ADGRL2: variants seen among roughly 807,000 people sequenced by gnomAD.
ADGRL2 encodes the protein calcium-independent alpha-latrotoxin receptor 2.
A neutral mutation model predicts 157.4 loss-of-function variants in ADGRL2; 44 were observed. That is an observed-to-expected ratio of 0.28 (90% CI 0.22 to 0.36). The LOEUF is 0.36. Among genes scored for constraint, ADGRL2 ranks in the 10% least tolerant of loss-of-function variants. The pLI, the probability that ADGRL2 is intolerant of heterozygous loss-of-function variation, is 1.00. For synonymous variants in ADGRL2, 585 were observed against 624.7 expected, an observed-to-expected ratio of 0.94 and a Z score of 0.95; for missense variants, 1,510 against 1,768.9, an observed-to-expected ratio of 0.85 and a Z score of 2.63.
At chr1:81,342,455 A>T (rs1156849445) in intron 1 of ADGRL2, among the ~76,000 whole-genome samples, 1 of 152,136 alleles carries the variant, frequency 6.6e-6, no homozygotes, top group East Asian at 1.9e-4. Flanking sequence ...TGTGCCACTA[A>T]ATGATATCAA....
intron 1 of ADGRL2, among the ~76,000 whole-genome samples, chr1:81,316,778 G>A (rs761859514): frequency 8.5e-5 from 13 of 152,146 alleles, no homozygotes; most frequent in Non-Finnish European, 1.6e-4. Flanking sequence ...TGCTGTGTAT[G>A]TATGTATGTG....
chr1:81,428,917 TTTA>T (rs1169356442), intron 1 of ADGRL2, among the ~76,000 whole-genome samples: 1 of 152,130 alleles, frequency 6.6e-6, no homozygotes, highest in Non-Finnish European at 1.5e-5. Flanking sequence ...AGGCTGCTTC[TTTA>T]TTTCAAGGTA....
intron 10 of ADGRL2, among the ~76,000 whole-genome samples, chr1:81,955,049 CTTCA>C: frequency 6.6e-6 from 1 of 152,242 alleles, no homozygotes; most frequent in South Asian, 2.1e-4. Flanking sequence ...AAGATCCTGC[CTTCA>C]GTTGATTAAC....
intron 10 of ADGRL2, among the ~76,000 whole-genome samples, chr1:81,955,094 G>A (rs1281348323): frequency 3.3e-5 from 5 of 152,128 alleles, no homozygotes. Flanking sequence ...GTTATTTTGT[G>A]TAGCAATAAA....
At chr1:81,520,498 C>T (rs1176291348) in intron 2 of ADGRL2, among the ~76,000 whole-genome samples, 2 of 152,136 alleles carry the variant, frequency 1.3e-5, no homozygotes, top group Non-Finnish European at 2.9e-5. Context: ...ATAATCCCTA[C>T]ATGTAAAGGG....
intron 2 of ADGRL2, among the ~76,000 whole-genome samples, chr1:81,851,107 T>C (rs2092990223): frequency 6.6e-6 from 1 of 151,960 alleles, no homozygotes. Flanking sequence ...AGTGTATATC[T>C]TGCAGGAATT....
chr1:81,402,874 C>T (rs575281814), intron 1 of ADGRL2, among the ~76,000 whole-genome samples: 1 of 152,142 alleles, frequency 6.6e-6, no homozygotes, highest in Non-Finnish European at 1.5e-5. Context: ...ATTAATAAGG[C>T]AAACATCGAC....
chr1:81,893,319 T>TTTGTTTTGTTTTTTGTTTTTG (rs753014450), intron 2 of ADGRL2, among the ~76,000 whole-genome samples: 1 of 150,250 alleles, frequency 6.7e-6, no homozygotes, highest in Non-Finnish European at 1.5e-5. Flanking sequence ...CAATCCTGTC[T>TTTGTTTTGTTTTTTGTTTTTG]TGTATTTTTC....
At chr1:81,348,766 A>AC (rs1344377153) in intron 1 of ADGRL2, among the ~76,000 whole-genome samples, 3 of 152,326 alleles carry the variant, frequency 2.0e-5, no homozygotes, top group Admixed American at 2.0e-4. Context: ...GAGATGGCTG[A>AC]CCAAGCCTTT....
chr1:81,405,524 C>A (rs2076837416), intron 1 of ADGRL2, among the ~76,000 whole-genome samples: 1 of 151,716 alleles, frequency 6.6e-6, no homozygotes, highest in South Asian at 2.1e-4. Context: ...GTGTTGCCCA[C>A]CTGCAGTCTC....
At chr1:81,375,313 A>C (rs1257590186) in intron 1 of ADGRL2, among the ~76,000 whole-genome samples, 1 of 152,208 alleles carries the variant, frequency 6.6e-6, no homozygotes. Context: ...AAATTTTGCC[A>C]TTCAAAAGCC....
chr1:81,475,671 TG>T (rs2078257916), intron 2 of ADGRL2, among the ~76,000 whole-genome samples: 1 of 152,144 alleles, frequency 6.6e-6, no homozygotes, highest in Non-Finnish European at 1.5e-5. Context: ...AAGGATTATT[TG>T]GGGGGAGGAG....
At chr1:81,802,219 C>A (rs1249318250) in intron 1 of ADGRL2, among the ~76,000 whole-genome samples, 2 of 152,034 alleles carry the variant, frequency 1.3e-5, no homozygotes, top group African/African-American at 2.4e-5. Flanking sequence ...GGGGCGCGCT[C>A]GCAGACGGAG....
intron 3 of ADGRL2, among the ~76,000 whole-genome samples, chr1:81,676,964 C>T (rs529703812): frequency 3.5e-4 from 53 of 149,990 alleles, no homozygotes; most frequent in African/African-American, 1.3e-3. Flanking sequence ...GCGTGAGCCA[C>T]TGTGCCTGGC....
intron 2 of ADGRL2, among the ~76,000 whole-genome samples, chr1:81,874,458 T>C (rs1444218870): frequency 6.6e-6 from 1 of 152,190 alleles, no homozygotes; most frequent in African/African-American, 2.4e-5. Context: ...TCTTTTCCTC[T>C]TAATGAAATT....
At chr1:81,806,170 T>G (rs181272873) in intron 1 of ADGRL2, among the ~76,000 whole-genome samples, 1 of 152,188 alleles carries the variant, frequency 6.6e-6, no homozygotes, top group African/African-American at 2.4e-5. Context: ...AGTTTTGACT[T>G]GAGAATTTCC....
intron 3 of ADGRL2, among the ~76,000 whole-genome samples, chr1:81,640,739 A>G (rs2082204299): frequency 6.6e-6 from 1 of 152,138 alleles, no homozygotes; most frequent in Non-Finnish European, 1.5e-5. Flanking sequence ...AAAAATCAAA[A>G]TGAAGTCACT....
chr1:81,952,093 A>C lies in ADGRL2; in HGVS notation c.1745A>C (p.Gln582Pro), dbSNP rs1328793780. The C allele has an allele frequency of 5.6e-6, 9 of 1,613,280 alleles. No homozygotes were observed. Among genetic ancestry groups the C allele is most frequent in the Non-Finnish European group, 7.6e-6 (9 of 1,179,518 alleles). Residue 582 changes from glutamine to proline, a missense_variant, in exon 9 of 24, where the codon CAG (glutamine) becomes CCG (proline). Physicochemically the swap from Gln to Pro is moderately conservative, Grantham distance 76. Around this residue, in one of 4 missense-constraint regions of ADGRL2, gnomAD observed 325 missense variants for 333.2 expected, o/e 0.98. Transcript: ENST00000686636. Reference sequence around the variant, plus strand: ...GTGGACATCCTTGATGCACAGCTGCAGGAACTGAAACCTAGTGAAAAAGAT... The same window carrying C: ...GTGGACATCCTTGATGCACAGCTGCCGGAACTGAAACCTAGTGAAAAAGAT... ...QLVDILDAQLQELKPSEKDSA... is the reference protein window; with the variant it reads ...QLVDILDAQLPELKPSEKDSA...
intron 3 of ADGRL2, among the ~76,000 whole-genome samples, chr1:81,930,844 G>A (rs1392010288): frequency 1.3e-5 from 2 of 152,040 alleles, no homozygotes; most frequent in African/African-American, 4.8e-5. Context: ...AAAATTCAGT[G>A]TTTTGGGCCA....
Sources: allele counts gnomAD v4.1 joint callset (sites outside exome capture counted in the v4.1 genomes callset), GRCh38; gene constraint gnomAD v4.1.1; regional missense constraint gnomAD v4.1.1; transcripts MANE v1.5; gene names NCBI Gene and HGNC (gene_info 2026-07-23, HGNC 2026-07-21).